ZNF44: variants seen among roughly 807,000 people sequenced by gnomAD.
ZNF44 encodes the protein gonadotropin inducible transcription repressor-2.
Under a neutral mutation model 11.7 loss-of-function variants are expected in ZNF44, and 9 were observed. The ratio of observed to expected loss-of-function variants is 0.77; its 90% CI spans 0.46 to 1.35. ZNF44 has a LOEUF of 1.35. Among genes scored for constraint, ZNF44 ranks in the 40% most tolerant of loss-of-function variants. The probability of loss-of-function intolerance (pLI) is 0.00; values close to 1 mark genes in which losing one functional copy is unlikely to be tolerated. For synonymous variants in ZNF44, 224 were observed against 242.7 expected (o/e 0.92, Z 0.72); for missense variants, 696 against 743.1 (o/e 0.94, Z 0.74).
At chr19:12,278,431 G>C (rs1441408770) in intron 1 of ZNF44, among the ~76,000 whole-genome samples, 3 of 152,186 alleles carry the variant, frequency 2.0e-5, no homozygotes, top group Non-Finnish European at 2.9e-5. Flanking sequence ...TTCTGTGTGT[G>C]TGTGTCTTTA....
Position 12,272,328 on chromosome 19 carries a change from G to A in ZNF44, c.*79C>T, listed in dbSNP as rs894783101. Reference sequence around the variant, plus strand: ...TGGAAACTTCTTAAGGCTTTACCACGTTTACATTCACAGGATTTATTTCTT... The same window carrying A: ...TGGAAACTTCTTAAGGCTTTACCACATTTACATTCACAGGATTTATTTCTT... On this transcript the variant is annotated 3_prime_UTR_variant, in exon 4 of 4. Coordinates refer to ENST00000355684, the MANE Select transcript of ZNF44 (RefSeq NM_016264.4). The A allele has an allele frequency of 2.1e-5, 30 of 1,432,872 alleles. No homozygotes were observed. The highest frequency in any genetic ancestry group is 2.6e-5 in the Non-Finnish European group (28 of 1,094,324). The allele number at this position is 1,432,872 out of a possible 1,614,324, so 88.8% of individuals were successfully genotyped here.
At chr19:12,260,350 C>G (rs1290967074) in intron 5 of ZNF44, 3 of 1,058,608 alleles carry the variant, frequency 2.8e-6, no homozygotes, top group African/African-American at 1.6e-5. Flanking sequence ...CCTGCCACCT[C>G]CTACGCGCGG....
chr19:12,250,217 C>T (rs758856730), intron 6 of ZNF44: 2 of 1,346,688 alleles, frequency 1.5e-6, no homozygotes, highest in African/African-American at 3.0e-5. Context: ...CATTCAACAA[C>T]ATGATGGAAT....
chr19:12,266,189 G>A (rs1599517834), intron 5 of ZNF44: 13 of 925,188 alleles, frequency 1.4e-5, no homozygotes, highest in Non-Finnish European at 1.5e-5. Context: ...CCCCGGAGTC[G>A]CCCGCAGGGA....
chr19:12,237,808 T>G (rs1411381193), upstream of ZNF44: 1 of 139,224 alleles, frequency 7.2e-6, no homozygotes, highest in Non-Finnish European at 1.6e-5. Flanking sequence ...TTCTGGAGCT[T>G]GGACGTGACC....
At chr19:12,252,776 G>A (rs1239192123) in intron 5 of ZNF44, among the ~76,000 whole-genome samples, 1 of 149,858 alleles carries the variant, frequency 6.7e-6, no homozygotes, top group African/African-American at 2.5e-5. Flanking sequence ...GGGAAAAAAT[G>A]AAATCAGGTA....
upstream of ZNF44, among the ~76,000 whole-genome samples, chr19:12,241,998 T>G (rs1181114048): frequency 1.3e-5 from 2 of 152,022 alleles, no homozygotes; most frequent in African/African-American, 2.4e-5. Context: ...ATCAGCAAAT[T>G]CATAGAGCAA....
chr19:12,285,245 G>T (rs1967681505), intron 1 of ZNF44: 3 of 359,118 alleles, frequency 8.4e-6, no homozygotes, highest in Admixed American at 4.6e-5. Context: ...AAACAGACAT[G>T]TATGCATTGT....
intron 3 of ZNF44, among the ~76,000 whole-genome samples, 184 bp downstream of exon 3, chr19:12,274,789 T>A (rs1448846128): frequency 1.3e-5 from 2 of 152,126 alleles, no homozygotes; most frequent in Non-Finnish European, 2.9e-5. Flanking sequence ...AAACACTGAA[T>A]AGCTATGTCA....
chr19:12,234,389 T>C (rs1916294226), intron 2 of ZNF44, among the ~76,000 whole-genome samples: 1 of 152,238 alleles, frequency 6.6e-6, no homozygotes, highest in South Asian at 2.1e-4. Flanking sequence ...GATTTTCCTC[T>C]TGTGAGGGCA....
At chr19:12,252,804 C>T (rs1035084223) in intron 5 of ZNF44, among the ~76,000 whole-genome samples, 2 of 150,222 alleles carry the variant, frequency 1.3e-5, no homozygotes, top group African/African-American at 2.5e-5. Context: ...GAGTCAAACA[C>T]TGAAGTCACA....
downstream of ZNF44, among the ~76,000 whole-genome samples, chr19:12,267,232 C>T (rs575452569): frequency 1.0e-3 from 159 of 151,904 alleles, no homozygotes; most frequent in Non-Finnish European, 1.8e-3. Context: ...TTAGTAGAGA[C>T]GGAGTTTCAC....
At chr19:12,278,968 G>A (rs527391216) in intron 1 of ZNF44, among the ~76,000 whole-genome samples, 2 of 152,320 alleles carry the variant, frequency 1.3e-5, no homozygotes, top group East Asian at 3.9e-4. Context: ...AAATACTGTG[G>A]CTAAGTGCTC....
At chr19:12,281,160 C>G (rs1186219146) in intron 1 of ZNF44, among the ~76,000 whole-genome samples, 2 of 152,090 alleles carry the variant, frequency 1.3e-5, no homozygotes, top group African/African-American at 2.4e-5. Flanking sequence ...TCTTCTCAAG[C>G]CTACATGAAA....
downstream of ZNF44, among the ~76,000 whole-genome samples, chr19:12,225,646 A>AGTATATAGT (rs1309264561): frequency 6.6e-6 from 1 of 152,242 alleles, no homozygotes; most frequent in East Asian, 1.9e-4. Context: ...AGGGTGCTAC[A>AGTATATAGT]GTATATAGTC....
chr19:12,231,799 T>G (rs901989082), intron 2 of ZNF44, among the ~76,000 whole-genome samples: 1 of 152,208 alleles, frequency 6.6e-6, no homozygotes, highest in African/African-American at 2.4e-5. Flanking sequence ...CAGGGCAAAT[T>G]TGTCCCTGGA....
chr19:12,233,105 T>G (rs986672634), intron 2 of ZNF44, among the ~76,000 whole-genome samples: 2 of 151,990 alleles, frequency 1.3e-5, no homozygotes, highest in Admixed American at 6.6e-5. Flanking sequence ...CCAAAAACAT[T>G]CCAGACTCCT....
chr19:12,293,475 G>C, intron 1 of ZNF44: 1 of 1,242,398 alleles, frequency 8.0e-7, no homozygotes. Flanking sequence ...ACAAAGGTTT[G>C]GTTTTTTTTA....
At chr19:12,268,684 A>G (rs1917830757), downstream of ZNF44, among the ~76,000 whole-genome samples, 1 of 151,916 alleles carries the variant, frequency 6.6e-6, no homozygotes, top group South Asian at 2.1e-4. Flanking sequence ...CCTGGGTTCA[A>G]GTTATCCTCC....
Sources: allele counts gnomAD v4.1 joint callset (sites outside exome capture counted in the v4.1 genomes callset), GRCh38; gene constraint gnomAD v4.1.1; transcripts MANE v1.5; gene names NCBI Gene and HGNC (gene_info 2026-07-23, HGNC 2026-07-21).